Variants in LARP4B observed in about 807,000 individuals in gnomAD.
The protein encoded by LARP4B is la-related protein 4B.
A neutral mutation model predicts 89.8 loss-of-function variants in LARP4B; 12 were observed. The observed-to-expected ratio is 0.13, with a 90% CI of 0.09 to 0.22. The LOEUF (loss-of-function observed/expected upper bound fraction) is 0.22, where lower values mean the gene tolerates loss of function less well. Among genes scored for constraint, LARP4B ranks in the 10% least tolerant of loss-of-function variants. LARP4B has a pLI of 1.00. For missense variants in LARP4B, 757 were observed against 947.7 expected (o/e 0.80, Z 2.64); for synonymous variants, 367 against 363.3 (o/e 1.01, Z -0.12).
the LARP4B span, among the ~76,000 whole-genome samples, chr10:950,314 T>G: frequency 6.6e-6 from 1 of 152,266 alleles, no homozygotes; most frequent in Non-Finnish European, 1.5e-5. Flanking sequence ...TATATTATCA[T>G]GCTGGTAAGA....
chr10:922,716 T>TAAATA (rs200190163), intron 1 of LARP4B, among the ~76,000 whole-genome samples: 1 of 144,920 alleles, frequency 6.9e-6, no homozygotes. Flanking sequence ...AATAAATAAA[T>TAAATA]AACAAGTATC....
chr10:947,070 A>G, the LARP4B span, among the ~76,000 whole-genome samples: 381 of 152,264 alleles, frequency 2.5e-3, 2 homozygotes, highest in African/African-American at 8.8e-3. Context: ...AGTTTTCACC[A>G]TGTTGATCAT....
chr10:894,913 G>A (rs1258198306), intron 1 of LARP4B, among the ~76,000 whole-genome samples: 2 of 152,160 alleles, frequency 1.3e-5, no homozygotes, highest in Admixed American at 6.5e-5. Context: ...AGCCAGGCAC[G>A]GTGGCTCACA....
chr10:855,223 A>C (rs1834243264), intron 5 of LARP4B, among the ~76,000 whole-genome samples: 1 of 152,158 alleles, frequency 6.6e-6, no homozygotes, highest in Admixed American at 6.5e-5. Flanking sequence ...GGTTCACTGG[A>C]GGGGCACTTA....
the LARP4B span, among the ~76,000 whole-genome samples, chr10:983,042 G>C: frequency 2.0e-5 from 3 of 152,318 alleles, no homozygotes; most frequent in Admixed American, 1.3e-4. Context: ...CAGAAGAGGG[G>C]TTATTACCTT....
At chr10:808,911 TAA>T (rs1341884975), downstream of LARP4B, 4 of 152,114 alleles carry the variant, frequency 2.6e-5, no homozygotes, top group Admixed American at 6.5e-5. Context: ...CTATTCTAAA[TAA>T]AGAGTTAAGA....
intron 11 of LARP4B, among the ~76,000 whole-genome samples, chr10:827,192 C>T (rs991371622): frequency 3.9e-5 from 6 of 152,160 alleles, no homozygotes; most frequent in South Asian, 2.1e-4. Context: ...AGGAGAATGG[C>T]GTGAACCCGG....
chr10:902,358 T>A (rs1289566089), intron 1 of LARP4B, among the ~76,000 whole-genome samples: 4 of 152,206 alleles, frequency 2.6e-5, no homozygotes, highest in Non-Finnish European at 4.4e-5. Flanking sequence ...GAGTACCACT[T>A]CTTGCTTTTA....
chr10:876,344 C>T (rs1203459648), intron 3 of LARP4B, among the ~76,000 whole-genome samples: 1 of 152,038 alleles, frequency 6.6e-6, no homozygotes, highest in African/African-American at 2.4e-5. Context: ...GATATCACAC[C>T]ATCGCACTCC....
At chr10:808,713 T>G (rs537055988), downstream of LARP4B, 1 of 149,192 alleles carries the variant, frequency 6.7e-6, no homozygotes, top group Non-Finnish European at 1.5e-5. Flanking sequence ...TAGGCCCAGC[T>G]GGATTAAAAG....
the LARP4B span, among the ~76,000 whole-genome samples, chr10:975,703 G>A: frequency 2.6e-5 from 4 of 152,022 alleles, no homozygotes; most frequent in Non-Finnish European, 4.4e-5. Flanking sequence ...TAGGCCTGTC[G>A]CGTAATGTGC....
At chr10:979,426 T>C in the LARP4B span, among the ~76,000 whole-genome samples, 8 of 152,322 alleles carry the variant, frequency 5.3e-5, no homozygotes, top group South Asian at 1.5e-3. Context: ...AGCAGAATTA[T>C]AAGGAGGAGA....
the LARP4B span, among the ~76,000 whole-genome samples, chr10:938,622 T>C: frequency 6.6e-6 from 1 of 152,170 alleles, no homozygotes; most frequent in Non-Finnish European, 1.5e-5. Context: ...ATGAATTATT[T>C]AGGGGTGAGG....
At chr10:852,526 T>C (rs144048183) in intron 5 of LARP4B, among the ~76,000 whole-genome samples, 1 of 152,342 alleles carries the variant, frequency 6.6e-6, no homozygotes, top group Non-Finnish European at 1.5e-5. Flanking sequence ...AACGTTATAC[T>C]TCATGGTGAA....
At chr10:867,862 GAAAAAAAAAAAA>G (rs903762145) in intron 3 of LARP4B, among the ~76,000 whole-genome samples, 4 of 43,358 alleles carry the variant, frequency 9.2e-5, no homozygotes, top group African/African-American at 2.7e-4. Flanking sequence ...CTCCATCCTT[GAAAAAAAAAAAA>G]AAAAAAAAAA....
chr10:817,519 T>G (rs1251245913), intron 15 of LARP4B, among the ~76,000 whole-genome samples: 1 of 152,146 alleles, frequency 6.6e-6, no homozygotes, highest in Non-Finnish European at 1.5e-5. Context: ...TCTGACTTCA[T>G]CAGACAGCAA....
intron 1 of LARP4B, among the ~76,000 whole-genome samples, chr10:905,930 C>G (rs546843402): frequency 6.6e-6 from 1 of 152,354 alleles, no homozygotes; most frequent in South Asian, 2.1e-4. Flanking sequence ...CACTTCGTCA[C>G]CTGCTTTCTC....
At chr10:843,234 C>T (rs1298892063) in intron 6 of LARP4B, among the ~76,000 whole-genome samples, 166 bp from the exon 7 acceptor site, 1 of 152,188 alleles carries the variant, frequency 6.6e-6, no homozygotes, top group Non-Finnish European at 1.5e-5. Context: ...GCCTCAGGTA[C>T]ATTTTTGCAA....
intron 1 of LARP4B, among the ~76,000 whole-genome samples, chr10:931,163 G>A (rs1460513499): frequency 6.7e-6 from 1 of 148,388 alleles, no homozygotes; most frequent in African/African-American, 2.5e-5. Flanking sequence ...GTTTTCCCCT[G>A]CCCCGGCCCC....
Sources: allele counts gnomAD v4.1 joint callset (sites outside exome capture counted in the v4.1 genomes callset), GRCh38; gene constraint gnomAD v4.1.1; transcripts MANE v1.5; gene names NCBI Gene and HGNC (gene_info 2026-07-23, HGNC 2026-07-21).